PDE4D: variants seen among roughly 807,000 people sequenced by gnomAD.
The protein encoded by PDE4D is phosphodiesterase 4D, also known as 3',5'-cyclic-AMP phosphodiesterase 4D.
In PDE4D, 24 loss-of-function variants were observed where a neutral mutation model predicts 87.4. That is an observed-to-expected ratio of 0.27 (90% CI 0.20 to 0.39). PDE4D has a LOEUF of 0.39. Among genes scored for constraint, PDE4D ranks in the 10% least tolerant of loss-of-function variants. PDE4D has a pLI of 1.00. For synonymous variants in PDE4D, 384 were observed against 383.2 expected (o/e 1.00, Z -0.02); for missense variants, 714 against 1,041.0 (o/e 0.69, Z 4.32).
chr5:59,147,382 T>C (rs141484992), intron 5 of PDE4D, among the ~76,000 whole-genome samples: 85 of 152,340 alleles, frequency 5.6e-4, no homozygotes, highest in South Asian at 4.1e-4. Context: ...AGTTTTCAGT[T>C]AAATTGGAAG....
chr5:59,074,121 CA>C (rs200138201), intron 5 of PDE4D, among the ~76,000 whole-genome samples: 2,172 of 152,296 alleles, frequency 0.014, 32 homozygotes, highest in Middle Eastern at 0.068. Flanking sequence ...AAGCTCCCAG[CA>C]AATTCTGTCA....
intron 1 of PDE4D, among the ~76,000 whole-genome samples, chr5:59,709,993 G>A (rs544392238): frequency 6.6e-6 from 1 of 152,140 alleles, no homozygotes; most frequent in Non-Finnish European, 1.5e-5. Context: ...ATGGTATTGA[G>A]AGCTTTGGGG....
At chr5:60,158,194 C>G (rs1465539788) in intron 2 of PDE4D, among the ~76,000 whole-genome samples, 3 of 152,150 alleles carry the variant, frequency 2.0e-5, no homozygotes, top group African/African-American at 7.2e-5. Context: ...GTGTCAACAT[C>G]ACAGAGTATA....
intron 2 of PDE4D, among the ~76,000 whole-genome samples, chr5:60,002,284 C>T (rs1764091953): frequency 6.6e-6 from 1 of 150,954 alleles, no homozygotes; most frequent in Non-Finnish European, 1.5e-5. Flanking sequence ...AAAAAAAAAA[C>T]TCCTAACAAA....
At chr5:59,181,461 C>G (rs1391111666) in intron 4 of PDE4D, among the ~76,000 whole-genome samples, 1 of 148,694 alleles carries the variant, frequency 6.7e-6, no homozygotes, top group East Asian at 2.0e-4. Flanking sequence ...TGAAATATAA[C>G]TTTATAAAGT....
At chr5:59,472,474 T>C (rs996950419) in intron 1 of PDE4D, among the ~76,000 whole-genome samples, 2 of 152,196 alleles carry the variant, frequency 1.3e-5, no homozygotes, top group Non-Finnish European at 2.9e-5. Context: ...ACATTGCTCT[T>C]GAACAACTTG....
intron 1 of PDE4D, among the ~76,000 whole-genome samples, chr5:59,633,720 C>T (rs1831865628): frequency 6.6e-6 from 1 of 152,130 alleles, no homozygotes; most frequent in African/African-American, 2.4e-5. Flanking sequence ...GCCTGCCTTA[C>T]AAGAGCTCCT....
chr5:60,007,936 C>T (rs1328082036), intron 2 of PDE4D, among the ~76,000 whole-genome samples: 8 of 151,906 alleles, frequency 5.3e-5, no homozygotes, highest in South Asian at 2.1e-4. Flanking sequence ...ATTCACCACT[C>T]GCAACCTGTT....
intron 1 of PDE4D, among the ~76,000 whole-genome samples, chr5:59,444,631 T>A (rs1404508285): frequency 6.6e-6 from 1 of 152,082 alleles, no homozygotes; most frequent in Non-Finnish European, 1.5e-5. Context: ...GCTAACACGG[T>A]GAAACCCCGT....
chr5:59,910,602 T>C (rs1383567506), intron 3 of PDE4D, among the ~76,000 whole-genome samples: 1 of 152,222 alleles, frequency 6.6e-6, no homozygotes, highest in African/African-American at 2.4e-5. Context: ...CTTGAAGTTA[T>C]AAGCATCATT....
intron 2 of PDE4D, among the ~76,000 whole-genome samples, chr5:59,197,327 C>A (rs1413726873): frequency 6.6e-6 from 1 of 152,046 alleles, no homozygotes; most frequent in Non-Finnish European, 1.5e-5. Flanking sequence ...AGACAGTTAT[C>A]ATTTTAGTGA....
intron 5 of PDE4D, among the ~76,000 whole-genome samples, chr5:59,100,489 A>T (rs1770553590): frequency 6.6e-6 from 1 of 152,000 alleles, no homozygotes; most frequent in Admixed American, 6.6e-5. Context: ...TTTCTGGGGG[A>T]TGGGGAAGCT....
chr5:60,480,671 C>T (rs1748661577), intron 1 of PDE4D, among the ~76,000 whole-genome samples: 1 of 152,088 alleles, frequency 6.6e-6, no homozygotes. Flanking sequence ...CCAATAATTG[C>T]TACACTATGC....
intron 5 of PDE4D, among the ~76,000 whole-genome samples, chr5:59,078,596 C>T (rs1351012681): frequency 6.6e-6 from 1 of 151,558 alleles, no homozygotes; most frequent in Non-Finnish European, 1.5e-5. Context: ...GTGGCCTCAG[C>T]TTCCCAAGCT....
chr5:59,392,805 T>C (rs2153609125), intron 1 of PDE4D, among the ~76,000 whole-genome samples: 1 of 152,212 alleles, frequency 6.6e-6, no homozygotes, highest in Middle Eastern at 3.4e-3. Flanking sequence ...GGAAGAGTCC[T>C]GAAAGGGAGA....
intron 1 of PDE4D, among the ~76,000 whole-genome samples, chr5:59,356,556 G>A (rs2153590205): frequency 6.6e-6 from 1 of 152,222 alleles, no homozygotes; most frequent in East Asian, 1.9e-4. Context: ...AGCTTTTAAA[G>A]TTAGTCAACT....
chr5:58,987,198 G>T (rs1295928701), intron 11 of PDE4D, among the ~76,000 whole-genome samples: 1 of 151,334 alleles, frequency 6.6e-6, no homozygotes, highest in South Asian at 2.1e-4. Context: ...GTAAATGCAG[G>T]GAGCTGCATC....
intron 2 of PDE4D, among the ~76,000 whole-genome samples, chr5:60,179,452 A>T (rs1784199757): frequency 6.6e-6 from 1 of 152,176 alleles, no homozygotes; most frequent in African/African-American, 2.4e-5. Flanking sequence ...TAGCATTTTT[A>T]AAATGATTTC....
chr5:60,261,635 G>T (rs1749654152), intron 1 of PDE4D, among the ~76,000 whole-genome samples: 1 of 152,044 alleles, frequency 6.6e-6, no homozygotes, highest in African/African-American at 2.4e-5. Context: ...GAAAGAGGTG[G>T]GCTGAGTTTA....
Sources: allele counts gnomAD v4.1 joint callset (sites outside exome capture counted in the v4.1 genomes callset), GRCh38; gene constraint gnomAD v4.1.1; transcripts MANE v1.5; gene names NCBI Gene and HGNC (gene_info 2026-07-23, HGNC 2026-07-21).